THRB: variants seen among roughly 807,000 people sequenced by gnomAD.
The protein encoded by THRB is nuclear receptor subfamily 1 group A member 2.
In THRB, 12 loss-of-function variants were observed where a neutral mutation model predicts 47.8. The ratio of observed to expected loss-of-function variants is 0.25; its 90% CI spans 0.16 to 0.41. The LOEUF (loss-of-function observed/expected upper bound fraction) is 0.41, where lower values mean the gene tolerates loss of function less well. THRB is among the 10% of genes least tolerant of loss of function. The pLI is 1.00. For synonymous variants in THRB, 218 were observed against 212.2 expected, an observed-to-expected ratio of 1.03 and a Z score of -0.24; for missense variants, 348 against 589.2, an observed-to-expected ratio of 0.59 and a Z score of 4.24.
chr3:24,178,376 C>T (rs1310444773), intron 5 of THRB, among the ~76,000 whole-genome samples: 1 of 151,990 alleles, frequency 6.6e-6, no homozygotes, highest in African/African-American at 2.4e-5. Flanking sequence ...GCCTGTAACC[C>T]AGAGCAAAGG....
intron 5 of THRB, among the ~76,000 whole-genome samples, chr3:24,177,085 G>GAGAT (rs1398013095): frequency 1.3e-5 from 2 of 152,032 alleles, no homozygotes; most frequent in African/African-American, 4.8e-5. Flanking sequence ...AGATCTAATG[G>GAGAT]AGATACACTA....
intron 1 of THRB, among the ~76,000 whole-genome samples, chr3:24,440,759 A>G (rs2071446107): frequency 6.6e-6 from 1 of 152,144 alleles, no homozygotes; most frequent in Admixed American, 6.5e-5. Context: ...ATGATGACTG[A>G]GCTCTGGATA....
chr3:24,359,308 C>T (rs1219542158), intron 1 of THRB, among the ~76,000 whole-genome samples: 3 of 152,096 alleles, frequency 2.0e-5, no homozygotes, highest in African/African-American at 7.2e-5. Context: ...CCCAGAGTTC[C>T]CAGATGTGGC....
intron 4 of THRB, among the ~76,000 whole-genome samples, chr3:24,205,478 C>T (rs1345339119): frequency 6.6e-6 from 1 of 152,122 alleles, no homozygotes; most frequent in Non-Finnish European, 1.5e-5. Flanking sequence ...CCAGGCCTGC[C>T]CTACAAGAGC....
intron 2 of THRB, among the ~76,000 whole-genome samples, chr3:24,336,981 C>T (rs1452141352): frequency 1.3e-5 from 2 of 152,116 alleles, no homozygotes; most frequent in Admixed American, 1.3e-4. Context: ...CTTTTTAGCA[C>T]TCAAGGAAAA....
At chr3:24,174,978 G>C (rs570584528) in intron 5 of THRB, among the ~76,000 whole-genome samples, 1 of 152,184 alleles carries the variant, frequency 6.6e-6, no homozygotes, top group East Asian at 1.9e-4. Flanking sequence ...AGCAGCTTAC[G>C]CTGGAGTCTG....
At chr3:24,319,017 A>G (rs1352103880) in intron 2 of THRB, among the ~76,000 whole-genome samples, 1 of 152,250 alleles carries the variant, frequency 6.6e-6, no homozygotes, top group Non-Finnish European at 1.5e-5. Flanking sequence ...ATTTTAGGTG[A>G]AAATGCAAAG....
At position 24,135,712 on chromosome 3, in the gene THRB, C is replaced by A. The variant is rs183939939; in HGVS notation, c.739-2250G>T. ...CCTGCTCTTCTTTATAATTTCTTCT[C>A]ATTCCTGAAACTGAGGCTCATCTCA... On this transcript the variant is annotated intron_variant, in intron 8 of 10. Transcript: ENST00000646209. Among the ~76,000 whole-genome samples the A allele has an allele frequency of 2.4e-3, 369 of 151,790 alleles. 2 individuals are homozygous for A. The highest frequency in any genetic ancestry group is 7.9e-3 in the African/African-American group (325 of 41,398).
At chr3:24,408,659 A>G (rs2068026505) in intron 1 of THRB, among the ~76,000 whole-genome samples, 1 of 151,832 alleles carries the variant, frequency 6.6e-6, no homozygotes, top group African/African-American at 2.4e-5. Flanking sequence ...TAAGAAATAC[A>G]ATCAGCATTA....
chr3:24,258,817 C>A (rs1439980333), intron 3 of THRB, among the ~76,000 whole-genome samples: 1 of 152,122 alleles, frequency 6.6e-6, no homozygotes, highest in African/African-American at 2.4e-5. Context: ...AGAACTAGAA[C>A]GAGGTTACCA....
chr3:24,298,776 G>A (rs1012256239), intron 2 of THRB, among the ~76,000 whole-genome samples: 3 of 152,074 alleles, frequency 2.0e-5, no homozygotes, highest in Non-Finnish European at 4.4e-5. Context: ...CATGCACACC[G>A]TCTCTCACCT....
chr3:24,146,849 A>G lies in THRB; in HGVS notation c.385-27T>C, dbSNP rs2036162105. ...TATATGAAAAACAAAGACCCAAGAC[A>G]ACAGTTTCATATTTTCTTGAAATCA... On this transcript the variant is annotated intron_variant, in intron 6 of 10. Coordinates refer to ENST00000646209, the MANE Select transcript of THRB (RefSeq NM_001354712.2). 13 of 1,609,570 alleles carry G rather than the reference A, an allele frequency of 8.1e-6. No individual in the cohort carries two copies. In the East Asian group the frequency reaches 2.9e-4, roughly 36 times the overall value.
chr3:24,352,764 A>G (rs2063433738), intron 1 of THRB, among the ~76,000 whole-genome samples: 1 of 152,190 alleles, frequency 6.6e-6, no homozygotes, highest in Admixed American at 6.6e-5. Context: ...CTACATATCC[A>G]TAGAAAAAGA....
intron 1 of THRB, among the ~76,000 whole-genome samples, chr3:24,480,494 G>A (rs540770746): frequency 1.3e-5 from 2 of 152,292 alleles, no homozygotes; most frequent in South Asian, 2.1e-4. Context: ...GGGATCAAAT[G>A]ACTCTGGAGC....
intron 1 of THRB, among the ~76,000 whole-genome samples, chr3:24,449,033 A>G (rs914290698): frequency 7.9e-5 from 12 of 152,218 alleles, no homozygotes; most frequent in African/African-American, 2.7e-4. Flanking sequence ...TTTGAAGGCA[A>G]AGGCAGAATT....
At chr3:24,337,893 G>A (rs529765462) in intron 1 of THRB, among the ~76,000 whole-genome samples, 1 of 152,188 alleles carries the variant, frequency 6.6e-6, no homozygotes, top group Non-Finnish European at 1.5e-5. Flanking sequence ...ATGAAGCCAT[G>A]GAGCTGTCTA....
At chr3:24,162,791 C>T (rs2039071010) in intron 5 of THRB, among the ~76,000 whole-genome samples, 1 of 151,724 alleles carries the variant, frequency 6.6e-6, no homozygotes, top group Non-Finnish European at 1.5e-5. Context: ...GTAGTGTAGC[C>T]TTCCTTTATT....
intron 1 of THRB, among the ~76,000 whole-genome samples, chr3:24,355,389 T>C (rs1040104479): frequency 9.2e-5 from 14 of 152,118 alleles, no homozygotes; most frequent in Admixed American, 4.6e-4. Context: ...CAGCATGATA[T>C]CCTGGAATGG....
At chr3:24,376,147 A>C (rs186449489) in intron 1 of THRB, among the ~76,000 whole-genome samples, 5 of 152,286 alleles carry the variant, frequency 3.3e-5, no homozygotes, top group African/African-American at 1.2e-4. Flanking sequence ...AAAAGGTTTT[A>C]AGTGTGTCTA....
Sources: gnomAD v4.1 joint callset for allele counts (sites outside exome capture counted in the v4.1 genomes callset) on GRCh38, gnomAD v4.1.1 for gene constraint, MANE v1.5 for transcripts, NCBI Gene and HGNC (gene_info 2026-07-23, HGNC 2026-07-21) for gene names.